Variants in CUX2 observed in about 807,000 individuals in gnomAD.
CUX2 encodes the protein cut like homeobox 2.
Under a neutral mutation model 144.8 loss-of-function variants are expected in CUX2, and 40 were observed. The ratio of observed to expected loss-of-function variants is 0.28; its 90% CI spans 0.21 to 0.36. CUX2 has a LOEUF of 0.36. Ranked by LOEUF, CUX2 falls within the 10% of genes least tolerant of loss-of-function variation. The pLI is 1.00. For synonymous variants in CUX2, 827 were observed against 875.6 expected (o/e 0.94, Z 0.98); for missense variants, 1,615 against 1,994.0 (o/e 0.81, Z 3.62).
At chr12:111,317,866 G>A (rs1054314656) in intron 16 of CUX2, among the ~76,000 whole-genome samples, 1 of 152,084 alleles carries the variant, frequency 6.6e-6, no homozygotes, top group Non-Finnish European at 1.5e-5. Context: ...CAGGCCTGGT[G>A]GCGAGTGCCT....
In CUX2 at chr12:111,246,525, A is replaced by G. The variant is rs571113487; in HGVS notation, c.223-17236A>G. On this transcript the variant is annotated intron_variant, in intron 3 of 21. Coordinates refer to ENST00000261726, the MANE Select transcript of CUX2 (RefSeq NM_015267.4). The surrounding 1 kb of genome is among the most constrained non-coding windows in gnomAD (Gnocchi z 4.0). ...GACACTACTGTGGCCACATCTTCCA[A>G]TTCTTCCAGAGAAGCTGGAAATCTT... Among the ~76,000 whole-genome samples the G allele has an allele frequency of 6.6e-6, 1 of 152,294 alleles. No individual in the cohort carries two copies. The highest frequency in any genetic ancestry group is 1.9e-4 in the East Asian group (1 of 5,186).
intron 4 of CUX2, among the ~76,000 whole-genome samples, chr12:111,286,521 T>TA (rs758641465): frequency 6.6e-6 from 1 of 152,060 alleles, no homozygotes; most frequent in Non-Finnish European, 1.5e-5. Flanking sequence ...AGGATCACTT[T>TA]AGGCAGGGGT....
At chr12:111,308,171 T>G in intron 12 of CUX2, 114 bp from the exon 13 acceptor site, 1 of 1,145,978 alleles carries the variant, frequency 8.7e-7, no homozygotes. Flanking sequence ...AATGGGGTTC[T>G]GGGGAATGGA....
At chr12:111,058,401 T>A (rs1870621327) in intron 1 of CUX2, among the ~76,000 whole-genome samples, 1 of 152,260 alleles carries the variant, frequency 6.6e-6, no homozygotes, top group Non-Finnish European at 1.5e-5. Context: ...AGCATCAACT[T>A]CACACAAGTG....
chr12:111,331,234 C>T (rs933816391), intron 18 of CUX2, among the ~76,000 whole-genome samples: 1 of 152,082 alleles, frequency 6.6e-6, no homozygotes, highest in Non-Finnish European at 1.5e-5. Context: ...GAGTGACCAA[C>T]TCACCCACGA....
chr12:111,052,361 G>GTA (rs921132028), intron 1 of CUX2, among the ~76,000 whole-genome samples: 4 of 152,074 alleles, frequency 2.6e-5, no homozygotes, highest in Admixed American at 1.3e-4. Flanking sequence ...CACCATGAGG[G>GTA]TATAGAGCAG....
chr12:111,133,449 A>G (rs1566243474), intron 1 of CUX2, among the ~76,000 whole-genome samples: 3 of 152,060 alleles, frequency 2.0e-5, no homozygotes, highest in Non-Finnish European at 1.5e-5. Flanking sequence ...GTAGCAAGAG[A>G]AAAAAAATGA....
chr12:111,264,891 G>A (rs1311902359), intron 4 of CUX2, among the ~76,000 whole-genome samples: 1 of 129,334 alleles, frequency 7.7e-6, no homozygotes, highest in Non-Finnish European at 1.6e-5. Flanking sequence ...GCAAGCCGTA[G>A]ATAAGAGTCG....
intron 1 of CUX2, among the ~76,000 whole-genome samples, chr12:111,045,683 G>A (rs1410256451): frequency 1.3e-5 from 2 of 152,158 alleles, no homozygotes; most frequent in South Asian, 2.1e-4. Context: ...GCAATGATGG[G>A]CGCTGGGCTC....
At chr12:111,082,773 A>G (rs998720059) in intron 1 of CUX2, among the ~76,000 whole-genome samples, 3 of 152,200 alleles carry the variant, frequency 2.0e-5, no homozygotes, top group Non-Finnish European at 4.4e-5. Flanking sequence ...AGGGGAAGGC[A>G]TGGCCACACC....
chr12:111,125,855 A>AT (rs1028852886), intron 1 of CUX2, among the ~76,000 whole-genome samples: 7 of 152,108 alleles, frequency 4.6e-5, no homozygotes, highest in South Asian at 2.1e-4. Flanking sequence ...AGATCTTCCA[A>AT]TTTTTTTTAG....
rs139060417 is a variant in CUX2, at chr12:111,192,307, T to C, written c.64-21893T>C. On this transcript the variant is annotated intron_variant, in intron 1 of 21. Transcript: ENST00000261726. ...GACGCCCAGCTGATTTTTTTGTATT[T>C]TTAGTAGAGATGGGGTTTCGCCATG... Among the ~76,000 whole-genome samples, 1,215 of 152,086 alleles carry C rather than the reference T, an allele frequency of 8.0e-3. 11 individuals carry two copies. Among genetic ancestry groups the C allele is most frequent in the Middle Eastern group, 0.037 (11 of 294 alleles).
intron 1 of CUX2, among the ~76,000 whole-genome samples, chr12:111,200,316 A>G (rs1279337180): frequency 6.6e-6 from 1 of 152,056 alleles, no homozygotes; most frequent in Non-Finnish European, 1.5e-5. Flanking sequence ...GGCATTTCAC[A>G]TTCATGTTGA....
chr12:111,120,184 CTA>C lies in CUX2; in HGVS notation c.63+85946_63+85947del, dbSNP rs1449920927. Among the ~76,000 whole-genome samples the C allele has an allele frequency of 4.6e-5, 7 of 152,272 alleles. No homozygotes were observed. In the East Asian group the frequency reaches 9.6e-4, roughly 21 times the overall value. ...TCTTTTGGTTGTGTTTCTCTAAATT[CTA>C]TGAGGACAGCAACTCTCTTCATTAT... is the stretch of plus-strand genomic sequence containing the variant. On this transcript the variant is annotated intron_variant, in intron 1 of 21. Coordinates refer to ENST00000261726, the MANE Select transcript of CUX2 (RefSeq NM_015267.4).
chr12:111,058,321 T>C (rs1870616900), intron 1 of CUX2, among the ~76,000 whole-genome samples: 1 of 152,258 alleles, frequency 6.6e-6, no homozygotes, highest in African/African-American at 2.4e-5. Context: ...GGGAATGGTC[T>C]AATGCTCCAT....
At chr12:111,330,206 G>A (rs974190643) in intron 18 of CUX2, among the ~76,000 whole-genome samples, 1 of 152,120 alleles carries the variant, frequency 6.6e-6, no homozygotes, top group Non-Finnish European at 1.5e-5. Context: ...CTGCTACTTC[G>A]AACTCGGGGG....
intron 1 of CUX2, among the ~76,000 whole-genome samples, chr12:111,136,230 G>A (rs1289817757): frequency 1.3e-5 from 2 of 151,978 alleles, no homozygotes; most frequent in Non-Finnish European, 2.9e-5. Context: ...GGGGTGAGAA[G>A]TGACGCGATT....
chr12:111,280,815 A>G (rs761047048), intron 4 of CUX2, among the ~76,000 whole-genome samples: 16 of 152,118 alleles, frequency 1.1e-4, no homozygotes, highest in Non-Finnish European at 1.5e-4. Flanking sequence ...TTAGAATCCA[A>G]CCTACTCCAA....
At chr12:111,044,124 G>A (rs1869883909) in intron 1 of CUX2, among the ~76,000 whole-genome samples, 1 of 152,176 alleles carries the variant, frequency 6.6e-6, no homozygotes, top group African/African-American at 2.4e-5. Context: ...CCTCCGGCAG[G>A]TGCAGGTGTT....
Sources: gnomAD v4.1 joint callset for allele counts (sites outside exome capture counted in the v4.1 genomes callset) on GRCh38, gnomAD v4.1.1 for gene constraint, Gnocchi (gnomAD v3.1) non-coding constraint, MANE v1.5 for transcripts, NCBI Gene and HGNC (gene_info 2026-07-23, HGNC 2026-07-21) for gene names.